Variants in ARHGAP32 observed in about 807,000 individuals in gnomAD.
The protein encoded by ARHGAP32 is rho GTPase-activating protein 32.
ARHGAP32 carries 51 observed loss-of-function variants against 186.5 expected under a neutral mutation model. The ratio of observed to expected loss-of-function variants is 0.27; its 90% CI spans 0.22 to 0.35. The LOEUF (loss-of-function observed/expected upper bound fraction) is 0.35, where lower values mean the gene tolerates loss of function less well. Among genes scored for constraint, ARHGAP32 ranks in the 10% least tolerant of loss-of-function variants. The pLI, the probability that ARHGAP32 is intolerant of heterozygous loss-of-function variation, is 1.00. For missense variants in ARHGAP32, 2,186 were observed against 2,623.5 expected, an observed-to-expected ratio of 0.83 and a Z score of 3.64; for synonymous variants, 950 against 964.3, an observed-to-expected ratio of 0.99 and a Z score of 0.27.
At chr11:129,234,569 T>A in intron 1 of ARHGAP32, among the ~76,000 whole-genome samples, 1 of 152,172 alleles carries the variant, frequency 6.6e-6, no homozygotes, top group Non-Finnish European at 1.5e-5. Context: ...AATCTATATA[T>A]CTGCAAGAAG....
At chr11:129,143,450 G>A (rs1330853422) in intron 2 of ARHGAP32, among the ~76,000 whole-genome samples, 4 of 152,024 alleles carry the variant, frequency 2.6e-5, no homozygotes, top group Admixed American at 1.3e-4. Context: ...ACACAGTCCC[G>A]CACCGCCCCA....
At chr11:129,064,704 A>G (rs1940628365) in intron 8 of ARHGAP32, 137 bp downstream of exon 8, 4 of 624,410 alleles carry the variant, frequency 6.4e-6, no homozygotes, top group Non-Finnish European at 1.1e-5. Context: ...TCACGTATCT[A>G]TCCTCCCAGA....
chr11:129,121,221 G>A (rs1314292737), intron 5 of ARHGAP32, among the ~76,000 whole-genome samples: 2 of 151,540 alleles, frequency 1.3e-5, no homozygotes, highest in South Asian at 2.1e-4. Flanking sequence ...CCATCAAAAT[G>A]TAAAACCTTA....
Position 128,997,369 on chromosome 11 carries a change from A to T in ARHGAP32, c.1195+950T>A, listed in dbSNP as rs548947729. ...TCCTAAGTCCACTGATATTCTTTAAACAATGAGCAAGACCTTAATTTGAAC... is the reference window on the plus strand; with the variant it reads ...TCCTAAGTCCACTGATATTCTTTAATCAATGAGCAAGACCTTAATTTGAAC... On this transcript the variant is annotated intron_variant, in intron 12 of 22. Coordinates refer to ENST00000682385, the MANE Select transcript of ARHGAP32 (RefSeq NM_001378024.1). Among the ~76,000 whole-genome samples, 3 of 152,316 alleles carry T rather than the reference A, an allele frequency of 2.0e-5. No homozygotes were observed. The South Asian group carries it at 6.2e-4, about 32-fold the overall frequency.
intron 5 of ARHGAP32, among the ~76,000 whole-genome samples, chr11:129,118,269 A>G (rs1942428260): frequency 6.6e-6 from 1 of 152,016 alleles, no homozygotes; most frequent in Non-Finnish European, 1.5e-5. Flanking sequence ...TGACGAAGCT[A>G]GTTTTTGAGA....
At chr11:129,144,567 A>T (rs1943129682) in intron 2 of ARHGAP32, among the ~76,000 whole-genome samples, 1 of 152,332 alleles carries the variant, frequency 6.6e-6, no homozygotes, top group East Asian at 1.9e-4. Flanking sequence ...CCCATGTGTT[A>T]TCTAGCACCA....
chr11:129,038,937 T>C (rs530612951), intron 11 of ARHGAP32, among the ~76,000 whole-genome samples: 4 of 144,964 alleles, frequency 2.8e-5, no homozygotes, highest in South Asian at 2.2e-4. Flanking sequence ...GCAAAGGATA[T>C]GAATAGATAC....
chr11:129,129,643 T>C (rs1942765610), intron 2 of ARHGAP32, among the ~76,000 whole-genome samples: 1 of 152,224 alleles, frequency 6.6e-6, no homozygotes, highest in Admixed American at 6.5e-5. Flanking sequence ...ACTGTGTCTG[T>C]GTAGAAAGAA....
chr11:129,164,182 A>G (rs907299574), intron 2 of ARHGAP32, 137 bp downstream of exon 2: 1 of 589,474 alleles, frequency 1.7e-6, no homozygotes, highest in Non-Finnish European at 3.0e-6. Flanking sequence ...TACAGTATTC[A>G]CTCAATAAAT....
intron 11 of ARHGAP32, among the ~76,000 whole-genome samples, chr11:129,017,131 TA>T (rs1274679413): frequency 2.0e-5 from 3 of 152,292 alleles, no homozygotes; most frequent in African/African-American, 7.2e-5. Context: ...GAGAAATATT[TA>T]AATTCTCAGT....
At chr11:129,231,062 T>C (rs1315733310) in intron 1 of ARHGAP32, among the ~76,000 whole-genome samples, 2 of 152,074 alleles carry the variant, frequency 1.3e-5, no homozygotes, top group Admixed American at 1.3e-4. Flanking sequence ...TGAACCTGGA[T>C]AGCAGAGGCT....
intron 6 of ARHGAP32, among the ~76,000 whole-genome samples, chr11:129,081,079 A>G (rs571228730): frequency 1.3e-5 from 2 of 152,220 alleles, no homozygotes; most frequent in East Asian, 1.9e-4. Context: ...GAAACTCTGA[A>G]CATACCAATA....
chr11:129,053,526 T>C (rs1470701473), intron 10 of ARHGAP32, among the ~76,000 whole-genome samples: 1 of 152,160 alleles, frequency 6.6e-6, no homozygotes, highest in South Asian at 2.1e-4. Flanking sequence ...CTATTATTCA[T>C]TAAATTATTA....
At chr11:129,130,191 C>T (rs11605947) in intron 2 of ARHGAP32, among the ~76,000 whole-genome samples, 16,709 of 151,966 alleles carry the variant, frequency 0.11, 1,223 homozygotes, top group South Asian at 0.32. Flanking sequence ...CACACGTATA[C>T]GATAAAAGTT....
chr11:129,110,793 T>C (rs1292157585), intron 5 of ARHGAP32, among the ~76,000 whole-genome samples: 1 of 152,234 alleles, frequency 6.6e-6, no homozygotes, highest in Non-Finnish European at 1.5e-5. Flanking sequence ...TATCTGCAAA[T>C]TCACTGAATT....
chr11:129,192,009 T>G (rs1944280080), intron 1 of ARHGAP32, 74 bp downstream of exon 1: 1 of 1,106,594 alleles, frequency 9.0e-7, no homozygotes, highest in Admixed American at 1.9e-5. Flanking sequence ...AAGACCGAAA[T>G]GCAGAGAAGA....
intron 2 of ARHGAP32, among the ~76,000 whole-genome samples, chr11:129,129,032 G>C (rs947608118): frequency 6.6e-6 from 1 of 152,138 alleles, no homozygotes; most frequent in Non-Finnish European, 1.5e-5. Context: ...GAGCGTCTCT[G>C]CCTGGCCGCC....
intron 12 of ARHGAP32, among the ~76,000 whole-genome samples, chr11:128,991,189 C>T (rs1946037893): frequency 1.3e-5 from 2 of 152,008 alleles, no homozygotes; most frequent in Non-Finnish European, 2.9e-5. Flanking sequence ...AGGTCTTTTC[C>T]TGATAATATG....
chr11:129,057,575 G>C (rs11221553), intron 10 of ARHGAP32, among the ~76,000 whole-genome samples: 23,914 of 151,778 alleles, frequency 0.16, 2,354 homozygotes, highest in African/African-American at 0.28. Flanking sequence ...CTGGGGGATT[G>C]GTTCCAGAAC....
Sources: gnomAD v4.1 joint callset for allele counts (sites outside exome capture counted in the v4.1 genomes callset) on GRCh38, gnomAD v4.1.1 for gene constraint, MANE v1.5 for transcripts, NCBI Gene and HGNC (gene_info 2026-07-23, HGNC 2026-07-21) for gene names.